The following SLC6A4 variants were observed in gnomAD, a reference collection of about 807,000 sequenced individuals.
SLC6A4 encodes the protein solute carrier family 6 member 4, also known as sodium-dependent serotonin transporter.
SLC6A4 carries 22 observed loss-of-function variants against 73.4 expected under a neutral mutation model. The ratio of observed to expected loss-of-function variants is 0.30; its 90% CI spans 0.21 to 0.43. The LOEUF (loss-of-function observed/expected upper bound fraction) is 0.43. Among genes scored for constraint, SLC6A4 ranks in the 20% least tolerant of loss-of-function variants. SLC6A4 has a pLI of 1.00. For missense variants in SLC6A4, 593 were observed against 808.5 expected, an observed-to-expected ratio of 0.73 and a Z score of 3.23; for synonymous variants, 270 against 315.5, an observed-to-expected ratio of 0.86 and a Z score of 1.53.
rs562464672 is a variant in SLC6A4, at chr17:30,233,580, G to A, written c.-221+2033C>T. Among the ~76,000 whole-genome samples the A allele has an allele frequency of 2.6e-5, 4 of 152,282 alleles. No homozygotes were observed. In the South Asian group the frequency reaches 6.2e-4, roughly 24 times the overall value. ...TTAAAGTGGAGAGGTTAGGGTCATGGTTGCAGAGTGAGTTGGAGGGGACTC... is the reference window on the plus strand; with the variant it reads ...TTAAAGTGGAGAGGTTAGGGTCATGATTGCAGAGTGAGTTGGAGGGGACTC... On this transcript the variant is annotated intron_variant, in intron 1 of 14. Coordinates refer to ENST00000650711, the MANE Select transcript of SLC6A4 (RefSeq NM_001045.6).
At chr17:30,212,981 C>G (rs1906436000) in intron 8 of SLC6A4, 114 bp from the exon 9 acceptor site, 2 of 1,141,994 alleles carry the variant, frequency 1.8e-6, no homozygotes, top group Admixed American at 2.1e-5. Flanking sequence ...CAAGGACAAG[C>G]AGGCTGAACT....
rs1176511049 is a variant in SLC6A4 at position 30,218,818 on chromosome 17, T to G, written c.457A>C (p.Lys153Gln). 1 of 1,613,904 alleles carries G rather than the reference T, an allele frequency of 6.2e-7. No homozygotes were observed. Among genetic ancestry groups the G allele is most frequent in the Non-Finnish European group, 8.5e-7 (1 of 1,180,006 alleles). Reference protein sequence around the residue: ...HRNGCISIWRKICPIFKGIGY... With the variant: ...HRNGCISIWRQICPIFKGIGY... ...TTACCTTTGAAAATCGGGCAGATTT[T>G]CCTCCATATTGAAATGCATCCATTT... The change falls in exon 4 of 15, where the codon AAA becomes CAA. Residue 153 changes from lysine to glutamine, a missense_variant. Lys to Gln is a moderately conservative substitution (Grantham distance 53, BLOSUM62 1). Transcript: ENST00000650711.
chr17:30,222,412 C>T (rs1450300859), intron 2 of SLC6A4, among the ~76,000 whole-genome samples: 1 of 152,158 alleles, frequency 6.6e-6, no homozygotes, highest in Non-Finnish European at 1.5e-5. Flanking sequence ...TTGTGGTTTG[C>T]CAGCAGCTCA....
chr17:30,217,915 G>C (rs1026034644), intron 5 of SLC6A4, among the ~76,000 whole-genome samples: 1 of 152,196 alleles, frequency 6.6e-6, no homozygotes, highest in Non-Finnish European at 1.5e-5. Context: ...GCATGAGAAA[G>C]TGCAAGGAGG....
intron 1 of SLC6A4, among the ~76,000 whole-genome samples, chr17:30,223,712 C>T (rs1356150327): frequency 6.6e-6 from 1 of 152,068 alleles, no homozygotes; most frequent in Non-Finnish European, 1.5e-5. Flanking sequence ...TTGGGCTGTA[C>T]CGCACTTGTT....
intron 1 of SLC6A4, among the ~76,000 whole-genome samples, chr17:30,225,841 A>G (rs1256082331): frequency 1.3e-5 from 2 of 152,194 alleles, no homozygotes; most frequent in Non-Finnish European, 2.9e-5. Context: ...CCTGAAGCTA[A>G]TGCACTCCAT....
intron 11 of SLC6A4, among the ~76,000 whole-genome samples, chr17:30,210,142 G>C (rs1225926584): frequency 1.3e-5 from 2 of 151,746 alleles, no homozygotes; most frequent in Non-Finnish European, 2.9e-5. Context: ...TTCTGGAGGA[G>C]ACCAAGCGGC....
chr17:30,219,077 G>A lies in SLC6A4; in HGVS notation c.344-146C>T, dbSNP rs1906670876. On this transcript the variant is annotated intron_variant, in intron 3 of 14. Transcript: ENST00000650711. Reference sequence around the variant, plus strand: ...GAGTGGCCTCATGCTGTGCTCCTCTGGTCTCAGTGCTTTGCTAGAAGCAGT... The same window carrying A: ...GAGTGGCCTCATGCTGTGCTCCTCTAGTCTCAGTGCTTTGCTAGAAGCAGT... The A allele has an allele frequency of 1.1e-4, 92 of 873,880 alleles. 3 individuals are homozygous for A. In the South Asian group the frequency reaches 1.4e-3, roughly 13 times the overall value. 54.1% of individuals were successfully genotyped at this position (873,880 alleles called of 1,614,324 possible).
chr17:30,219,712 TG>T (rs1906687081), intron 3 of SLC6A4, among the ~76,000 whole-genome samples: 1 of 152,218 alleles, frequency 6.6e-6, no homozygotes, highest in Non-Finnish European at 1.5e-5. Flanking sequence ...ATCTTGTGGC[TG>T]AGGCTGAATT....
At position 30,194,416 on chromosome 17, in the gene SLC6A4, A is replaced by C. The variant is rs1352064261; in HGVS notation, c.*4040T>G. On this transcript the variant is annotated 3_prime_UTR_variant, in exon 15 of 15. Transcript: ENST00000650711. ...ACAAGGGCACTGTATGAATTTTAGA[A>C]AGGGGACTCTTTTATACAAATAAAT... 6.6e-6 allele frequency: 1 copy of C among 152,112 alleles called. No individual in the cohort carries two copies. The highest frequency in any genetic ancestry group is 1.5e-5 in the Non-Finnish European group (1 of 67,994). The allele number at this position is 152,112 out of a possible 1,614,324, so 9.4% of individuals were successfully genotyped here. A position where few individuals can be genotyped will look rare whatever the true frequency, so the allele number is the denominator to read the frequency against.
intron 1 of SLC6A4, among the ~76,000 whole-genome samples, chr17:30,234,444 T>G (rs1379246638): frequency 6.6e-6 from 1 of 152,206 alleles, no homozygotes; most frequent in Admixed American, 6.5e-5. Context: ...TCATCCATAT[T>G]GGAACGGTCA....
At position 30,222,073 on chromosome 17, in the gene SLC6A4, G is replaced by T. The variant is rs746379917; in HGVS notation, c.-115C>A. 1.4e-5 allele frequency: 22 copies of T among 1,568,162 alleles called. No homozygotes were observed. The highest frequency in any genetic ancestry group is 1.8e-5 in the Non-Finnish European group (21 of 1,156,064). On this transcript the variant is annotated 5_prime_UTR_variant, in exon 3 of 15. Coordinates refer to ENST00000650711, the MANE Select transcript of SLC6A4 (RefSeq NM_001045.6). ...CTCTATCGTCGGGATTGACACGTCGGGATTGACTCTGTTGGAAAGACACAC... is the reference window on the plus strand; with the variant it reads ...CTCTATCGTCGGGATTGACACGTCGTGATTGACTCTGTTGGAAAGACACAC...
chr17:30,221,478 C>A (rs1256772731), intron 3 of SLC6A4, 138 bp downstream of exon 3: 3 of 661,556 alleles, frequency 4.5e-6, no homozygotes, highest in Non-Finnish European at 5.1e-6. Context: ...ACAGCCCACC[C>A]GGGTCACAGC....
At chr17:30,219,950 C>T (rs1906693772) in intron 3 of SLC6A4, among the ~76,000 whole-genome samples, 2 of 152,170 alleles carry the variant, frequency 1.3e-5, no homozygotes, top group African/African-American at 4.8e-5. Flanking sequence ...AAAGAGTTTG[C>T]TTGATCAGCT....
intron 9 of SLC6A4, among the ~76,000 whole-genome samples, chr17:30,212,412 G>A (rs1343691425): frequency 6.6e-6 from 1 of 152,166 alleles, no homozygotes; most frequent in African/African-American, 2.4e-5. Flanking sequence ...TTGGAAACAG[G>A]GTCTTATTCT....
At position 30,198,517 on chromosome 17, in the gene SLC6A4, C is replaced by G. The variant is rs764848273; in HGVS notation, c.1832G>C (p.Ser611Thr). Residue 611 changes from serine (S) to threonine (T), a missense_variant, in exon 15 of 15, where the codon AGT becomes ACT. By Grantham distance (58) the Ser-to-Thr change is moderately conservative. Coordinates refer to ENST00000650711, the MANE Select transcript of SLC6A4 (RefSeq NM_001045.6). ...TTCTGTTGGTGTTTCTGGGGTAATA[C>G]TTTTAATAATACGCTATTGGGAAGA... ...PGTFKERIIK[S>T]ITPETPTEIP... The G allele has an allele frequency of 6.3e-7, 1 of 1,590,410 alleles. No individual in the cohort carries two copies. The highest frequency in any genetic ancestry group is 1.7e-5 in the Admixed American group (1 of 59,794).
chr17:30,210,574 G>A lies in SLC6A4; in HGVS notation c.1390C>T (p.Arg464Trp), dbSNP rs201228840. Residue 464 changes from arginine (R) to tryptophan (W), a missense_variant, in exon 11 of 15, where the codon CGG (arginine) becomes TGG (tryptophan). Coordinates refer to ENST00000650711, the MANE Select transcript of SLC6A4 (RefSeq NM_001045.6). Reference sequence around the variant, plus strand: ...GTGATGACCACGGCGAGCACGAACCGCTCCCGGCGCTTGGCCCAGACGTGT... The same window carrying A: ...GTGATGACCACGGCGAGCACGAACCACTCCCGGCGCTTGGCCCAGACGTGT... Reference protein sequence around the residue: ...FPHVWAKRRERFVLAVVITCF... With the variant: ...FPHVWAKRREWFVLAVVITCF... The A allele has an allele frequency of 5.4e-5, 87 of 1,613,804 alleles. No individual in the cohort carries two copies. The highest frequency in any genetic ancestry group is 1.1e-4 in the East Asian group (5 of 44,858).
chr17:30,222,102 G>C, intron 2 of SLC6A4, 21 bp from the exon 3 acceptor site: 2 of 1,510,270 alleles, frequency 1.3e-6, no homozygotes, highest in African/African-American at 1.4e-5. Flanking sequence ...GACACACAGA[G>C]GAAGGAGAAA....
intron 1 of SLC6A4, among the ~76,000 whole-genome samples, chr17:30,229,973 C>G (rs557624518): frequency 6.6e-6 from 1 of 151,080 alleles, no homozygotes; most frequent in African/African-American, 2.4e-5. Flanking sequence ...GAGCTGAGAT[C>G]GGGCCATTGC....
Sources: allele counts gnomAD v4.1 joint callset (sites outside exome capture counted in the v4.1 genomes callset), GRCh38; gene constraint gnomAD v4.1.1; transcripts MANE v1.5; gene names NCBI Gene and HGNC (gene_info 2026-07-23, HGNC 2026-07-21).